INSL6: variants seen among roughly 807,000 people sequenced by gnomAD.
INSL6 encodes insulin like 6.
In INSL6, 16 loss-of-function variants were observed where a neutral mutation model predicts 9.4. That is an observed-to-expected ratio of 1.70 (90% CI 1.15 to 2.59). The LOEUF (loss-of-function observed/expected upper bound fraction) is 2.59, where lower values mean the gene tolerates loss of function less well. Among genes scored for constraint, INSL6 ranks in the 30% most tolerant of loss-of-function variants. INSL6 has a pLI of 0.00. For missense variants in INSL6, 391 were observed against 257.3 expected (o/e 1.52, Z -3.56); for synonymous variants, 154 against 96.9 (o/e 1.59, Z -3.46).
chr9:5,096,937 A>T, the INSL6 span: 1 of 152,056 alleles, frequency 6.6e-6, no homozygotes, highest in Non-Finnish European at 1.5e-5. Flanking sequence ...GCTGCCCCTG[A>T]TATGGCATTT....
chr9:5,164,467 G>C (rs1367884655), intron 1 of INSL6, among the ~76,000 whole-genome samples: 1 of 152,174 alleles, frequency 6.6e-6, no homozygotes, highest in Non-Finnish European at 1.5e-5. Context: ...GTACGCCTTT[G>C]TACATTTTTG....
the INSL6 span, among the ~76,000 whole-genome samples, chr9:5,057,034 A>G: frequency 6.6e-6 from 1 of 152,192 alleles, no homozygotes; most frequent in Non-Finnish European, 1.5e-5. Context: ...TTGTGCAACA[A>G]ACTGGGAAGA....
chr9:5,054,933 G>C, the INSL6 span: 1 of 1,335,236 alleles, frequency 7.5e-7, no homozygotes, highest in Non-Finnish European at 1.0e-6. This position sits in a 1 kb window ranked among gnomAD's most constrained non-coding sequence, Gnocchi z 4.9. Flanking sequence ...AAGTACAATG[G>C]AAATAAAAAC....
intron 1 of INSL6, among the ~76,000 whole-genome samples, chr9:5,169,976 AAG>A (rs1372303775): frequency 3.3e-5 from 5 of 152,204 alleles, no homozygotes; most frequent in Non-Finnish European, 1.5e-5. Context: ...AAAATTAACA[AAG>A]ATATTTAGGA....
downstream of INSL6, among the ~76,000 whole-genome samples, chr9:5,160,646 A>C (rs532876508): frequency 1.5e-4 from 23 of 152,184 alleles, no homozygotes; most frequent in Non-Finnish European, 5.9e-5. Flanking sequence ...AGATCAACGA[A>C]ACACAAAGTT....
intron 1 of INSL6, among the ~76,000 whole-genome samples, chr9:5,172,049 A>G (rs1046390659): frequency 7.9e-5 from 12 of 152,312 alleles, no homozygotes; most frequent in Admixed American, 6.5e-4. Flanking sequence ...AAAAGAACAA[A>G]GCTGAAGGGA....
the INSL6 span, among the ~76,000 whole-genome samples, chr9:5,060,971 G>C: frequency 6.6e-6 from 1 of 152,216 alleles, no homozygotes; most frequent in African/African-American, 2.4e-5. Context: ...GAATATCCTT[G>C]TACATCTCTG....
chr9:5,107,386 T>A, the INSL6 span, among the ~76,000 whole-genome samples: 1 of 152,118 alleles, frequency 6.6e-6, no homozygotes, highest in South Asian at 2.1e-4. Context: ...TTCCATAAAA[T>A]TCTTCCTAGT....
At chr9:5,108,797 T>G in the INSL6 span, 1 of 152,150 alleles carries the variant, frequency 6.6e-6, no homozygotes. Context: ...CTGTAAGCCA[T>G]ATACCACTTG....
chr9:5,003,501 A>G, the INSL6 span, among the ~76,000 whole-genome samples: 1 of 151,928 alleles, frequency 6.6e-6, no homozygotes, highest in Non-Finnish European at 1.5e-5. Context: ...CTATTTTTAA[A>G]TGTTCATTTA....
At chr9:5,177,711 G>A (rs534904380) in intron 1 of INSL6, among the ~76,000 whole-genome samples, 2 of 152,156 alleles carry the variant, frequency 1.3e-5, no homozygotes, top group Admixed American at 6.5e-5. Flanking sequence ...CACCTGAAAC[G>A]GGACAGAGTT....
chr9:5,054,984 C>A, the INSL6 span: 1 of 821,606 alleles, frequency 1.2e-6, no homozygotes, highest in Non-Finnish European at 1.9e-6. This position sits in a 1 kb window ranked among gnomAD's most constrained non-coding sequence, Gnocchi z 4.9. Flanking sequence ...TTGCACTTCT[C>A]CCATTTGATA....
At chr9:5,021,043 C>T in the INSL6 span, among the ~76,000 whole-genome samples, 2 of 152,132 alleles carry the variant, frequency 1.3e-5, no homozygotes, top group East Asian at 3.8e-4. Flanking sequence ...TTGACGGGCT[C>T]TCTTGTGTCT....
chr9:5,085,316 C>T, the INSL6 span: 2 of 758,588 alleles, frequency 2.6e-6, no homozygotes, highest in Non-Finnish European at 4.8e-6. Context: ...TCGAATACAT[C>T]ATCTATTAGC....
intron 2 of INSL6, among the ~76,000 whole-genome samples, chr9:5,154,584 G>T (rs1824779433): frequency 6.6e-6 from 1 of 152,102 alleles, no homozygotes; most frequent in East Asian, 1.9e-4. Flanking sequence ...TCTGACAAAG[G>T]GCTAATATCC....
chr9:5,057,308 A>C, the INSL6 span, among the ~76,000 whole-genome samples: 1 of 151,866 alleles, frequency 6.6e-6, no homozygotes, highest in East Asian at 1.9e-4. Flanking sequence ...GCATTTTCCC[A>C]GTGTATTATG....
the INSL6 span, among the ~76,000 whole-genome samples, chr9:5,014,184 C>G: frequency 0.52 from 50,363 of 96,822 alleles, 10,212 homozygotes; most frequent in African/African-American, 0.68. Flanking sequence ...TTTTTTTTTT[C>G]GTAGAGACAG....
the INSL6 span, among the ~76,000 whole-genome samples, chr9:5,020,411 G>A: frequency 6.6e-6 from 1 of 152,236 alleles, no homozygotes; most frequent in East Asian, 1.9e-4. Flanking sequence ...AGGCCCTCCA[G>A]TGGTGTTAGC....
At chr9:4,994,419 G>A in the INSL6 span, among the ~76,000 whole-genome samples, 1 of 152,190 alleles carries the variant, frequency 6.6e-6, no homozygotes, top group Admixed American at 6.5e-5. Context: ...TGTTTCATTA[G>A]CTCTGGAGTG....
Sources: gnomAD v4.1 joint callset for allele counts (sites outside exome capture counted in the v4.1 genomes callset) on GRCh38, gnomAD v4.1.1 for gene constraint, Gnocchi (gnomAD v3.1) non-coding constraint, MANE v1.5 for transcripts, NCBI Gene and HGNC (gene_info 2026-07-23, HGNC 2026-07-21) for gene names.